The following SPOCK1 variants were observed in gnomAD, a reference collection of about 807,000 sequenced individuals.
SPOCK1 encodes testican-1.
A neutral mutation model predicts 55.3 loss-of-function variants in SPOCK1; 23 were observed. That is an observed-to-expected ratio of 0.42 (90% CI 0.30 to 0.59). The LOEUF is 0.59. Among genes scored for constraint, SPOCK1 ranks in the 20% least tolerant of loss-of-function variants. SPOCK1 has a pLI of 0.22. For synonymous variants in SPOCK1, 226 were observed against 221.0 expected (o/e 1.02, Z -0.20); for missense variants, 499 against 552.5 (o/e 0.90, Z 0.97).
At chr5:137,188,584 G>A (rs1044356726) in intron 3 of SPOCK1, among the ~76,000 whole-genome samples, 11 of 152,252 alleles carry the variant, frequency 7.2e-5, no homozygotes, top group African/African-American at 1.4e-4. Flanking sequence ...TGACTGGTCC[G>A]TTGACTGGCT....
rs1289788579 is a variant in SPOCK1, at chr5:137,132,010, ATATATATAT to A, written c.347+8561_347+8569del. Among the ~76,000 whole-genome samples, 9 of 91,680 alleles carry A rather than the reference ATATATATAT, an allele frequency of 9.8e-5. No homozygotes were observed. The South Asian group carries it at 1.3e-3, about 14-fold the overall frequency. The allele number at this position is 91,680 out of a possible 152,430, so 60.1% of individuals were successfully genotyped here. A position where few individuals can be genotyped will look rare whatever the true frequency, so the allele number is the denominator to read the frequency against. On this transcript the variant is annotated intron_variant, in intron 4 of 10. Coordinates refer to ENST00000394945, the MANE Select transcript of SPOCK1 (RefSeq NM_004598.4). Reference sequence around the variant, plus strand: ...AAAAAATATATATATATATATATATATATATATATAAAAAATTAGCTGGGCATGGTGGCA... The same window carrying A: ...AAAAAATATATATATATATATATATAAAAAAATTAGCTGGGCATGGTGGCA...
chr5:137,390,084 A>G (rs902534809), intron 2 of SPOCK1, among the ~76,000 whole-genome samples: 2 of 152,148 alleles, frequency 1.3e-5, no homozygotes, highest in Admixed American at 6.5e-5. Context: ...TCTTTGTCCT[A>G]TGTTCCCTAC....
chr5:137,238,484 A>C (rs1409265854), intron 3 of SPOCK1, among the ~76,000 whole-genome samples: 1 of 150,666 alleles, frequency 6.6e-6, no homozygotes, highest in Non-Finnish European at 1.5e-5. Flanking sequence ...CTCAAAATGA[A>C]TCTCATTTAT....
At chr5:137,321,386 A>C (rs1238494190) in intron 2 of SPOCK1, among the ~76,000 whole-genome samples, 1 of 152,210 alleles carries the variant, frequency 6.6e-6, no homozygotes, top group Non-Finnish European at 1.5e-5. Context: ...GATCTCAATC[A>C]GAACATACCC....
At chr5:137,497,863 C>G (rs1561551344) in intron 2 of SPOCK1, among the ~76,000 whole-genome samples, 1 of 152,016 alleles carries the variant, frequency 6.6e-6, no homozygotes, top group Non-Finnish European at 1.5e-5. Flanking sequence ...CACACACACA[C>G]ACATGCAACA....
chr5:137,163,200 C>T (rs1324721621), intron 3 of SPOCK1, among the ~76,000 whole-genome samples: 1 of 152,150 alleles, frequency 6.6e-6, no homozygotes, highest in African/African-American at 2.4e-5. Context: ...ATGTATTTAG[C>T]ACCTACTATA....
chr5:137,437,194 T>C (rs1294156460), intron 2 of SPOCK1, among the ~76,000 whole-genome samples: 1 of 152,106 alleles, frequency 6.6e-6, no homozygotes, highest in Non-Finnish European at 1.5e-5. Context: ...CTCCATCTCA[T>C]CCCAAGAGGT....
intron 2 of SPOCK1, among the ~76,000 whole-genome samples, chr5:137,447,263 C>G (rs1386152221): frequency 6.6e-6 from 1 of 152,146 alleles, no homozygotes; most frequent in Non-Finnish European, 1.5e-5. Context: ...AGGAGGGCAA[C>G]AGCTGACAAA....
At chr5:137,487,688 T>C (rs1422615261) in intron 2 of SPOCK1, among the ~76,000 whole-genome samples, 2 of 152,192 alleles carry the variant, frequency 1.3e-5, no homozygotes, top group Non-Finnish European at 2.9e-5. Flanking sequence ...GAGACAAATA[T>C]GCTGAGATGA....
chr5:137,099,408 T>C (rs764636198), intron 5 of SPOCK1, among the ~76,000 whole-genome samples: 15 of 152,162 alleles, frequency 9.9e-5, no homozygotes, highest in Non-Finnish European at 1.5e-4. Flanking sequence ...GTGTCCTATA[T>C]ATGTCTTTAA....
chr5:137,102,773 G>GACAATAGT (rs1217735758), intron 5 of SPOCK1, among the ~76,000 whole-genome samples: 1 of 152,124 alleles, frequency 6.6e-6, no homozygotes, highest in East Asian at 1.9e-4. Context: ...ATTTAGGACT[G>GACAATAGT]ACAATAGTAC....
chr5:137,435,085 T>C (rs528867873), intron 2 of SPOCK1, among the ~76,000 whole-genome samples: 3 of 152,344 alleles, frequency 2.0e-5, no homozygotes, highest in African/African-American at 7.2e-5. Context: ...AATGCGAACA[T>C]GTTATATTTA....
intron 2 of SPOCK1, among the ~76,000 whole-genome samples, chr5:137,473,226 C>A (rs1753772617): frequency 6.6e-6 from 1 of 152,202 alleles, no homozygotes; most frequent in African/African-American, 2.4e-5. Flanking sequence ...ACATAGGAGA[C>A]TGGCTGAATA....
intron 2 of SPOCK1, among the ~76,000 whole-genome samples, chr5:137,379,908 T>G (rs911120289): frequency 6.6e-6 from 1 of 152,200 alleles, no homozygotes; most frequent in African/African-American, 2.4e-5. Flanking sequence ...GCCCCCGTGG[T>G]GATAGCACTA....
chr5:137,383,776 C>A (rs549532950), intron 2 of SPOCK1, among the ~76,000 whole-genome samples: 3 of 152,370 alleles, frequency 2.0e-5, no homozygotes, highest in Admixed American at 2.0e-4. Context: ...AGCTGCAGCT[C>A]TCAGGACACA....
At chr5:137,136,170 T>C (rs922056653) in intron 4 of SPOCK1, among the ~76,000 whole-genome samples, 1 of 152,228 alleles carries the variant, frequency 6.6e-6, no homozygotes, top group African/African-American at 2.4e-5. Context: ...TTAGTCAAAC[T>C]CAAGGTCATA....
chr5:137,477,566 A>G (rs1753861807), intron 2 of SPOCK1, among the ~76,000 whole-genome samples: 1 of 152,194 alleles, frequency 6.6e-6, no homozygotes, highest in South Asian at 2.1e-4. Flanking sequence ...GCAGGGAAGC[A>G]GAGGGGGCCA....
At chr5:137,115,286 C>T (rs1280095047) in intron 4 of SPOCK1, among the ~76,000 whole-genome samples, 1 of 152,078 alleles carries the variant, frequency 6.6e-6, no homozygotes, top group Non-Finnish European at 1.5e-5. Context: ...AACTACTCTA[C>T]TTCAATAACT....
intron 4 of SPOCK1, among the ~76,000 whole-genome samples, chr5:137,125,068 C>T (rs889624389): frequency 6.6e-6 from 1 of 152,154 alleles, no homozygotes; most frequent in African/African-American, 2.4e-5. Flanking sequence ...ACTCACTTCC[C>T]TCATGGTATT....
Sources: allele counts gnomAD v4.1 joint callset (sites outside exome capture counted in the v4.1 genomes callset), GRCh38; gene constraint gnomAD v4.1.1; transcripts MANE v1.5; gene names NCBI Gene and HGNC (gene_info 2026-07-23, HGNC 2026-07-21).